The following PGM2L1 variants were observed in gnomAD, a reference collection of about 807,000 sequenced individuals.
The protein encoded by PGM2L1 is phosphoglucomutase 2 like 1.
Under a neutral mutation model 73.4 loss-of-function variants are expected in PGM2L1, and 35 were observed. That is an observed-to-expected ratio of 0.48 (90% CI 0.36 to 0.63). The LOEUF is 0.63. Ranked by LOEUF, PGM2L1 falls within the 30% of genes least tolerant of loss-of-function variation. PGM2L1 has a pLI of 0.00. For synonymous variants in PGM2L1, 225 were observed against 253.8 expected (o/e 0.89, Z 1.08); for missense variants, 570 against 742.0 (o/e 0.77, Z 2.69).
chr11:74,387,849 G>A (rs549766183), intron 1 of PGM2L1, among the ~76,000 whole-genome samples: 35 of 152,238 alleles, frequency 2.3e-4, no homozygotes, highest in African/African-American at 7.9e-4. Flanking sequence ...TACAGATAAA[G>A]CTGCAGACAT....
intron 6 of PGM2L1, among the ~76,000 whole-genome samples, chr11:74,348,210 G>A (rs774948331): frequency 2.2e-4 from 33 of 151,916 alleles, no homozygotes; most frequent in Non-Finnish European, 4.6e-4. Context: ...CTCTCTCGCC[G>A]GCATCATTTC....
chr11:74,383,700 C>T (rs959438097), intron 1 of PGM2L1, among the ~76,000 whole-genome samples: 5 of 151,474 alleles, frequency 3.3e-5, no homozygotes, highest in Admixed American at 1.3e-4. Context: ...ATGCGGTGTT[C>T]GGTTTTCTGT....
chr11:74,347,162 C>T lies in PGM2L1; in HGVS notation c.925G>A (p.Gly309Arg), dbSNP rs2134890909. 6.3e-7 allele frequency: 1 copy of T among 1,578,544 alleles called. No individual in the cohort carries two copies. The highest frequency in any genetic ancestry group is 8.6e-7 in the Non-Finnish European group (1 of 1,166,826). ...TAAAAAAATACCAGCACAGATTCTC[C>T]TTCTTCAGGATTTGGACATTTAACG... ...STVKCPNPEE[G>R]ESVLELSLRL... The change falls in exon 7 of 14, where the codon GGA (glycine) becomes AGA (arginine). Residue 309 changes from glycine (G) to arginine (R), a missense_variant. Coordinates refer to ENST00000298198, the MANE Select transcript of PGM2L1 (RefSeq NM_173582.6).
chr11:74,364,714 A>T (rs1370934749), intron 5 of PGM2L1, among the ~76,000 whole-genome samples: 1 of 152,222 alleles, frequency 6.6e-6, no homozygotes, highest in Non-Finnish European at 1.5e-5. Context: ...GAAATAAAAG[A>T]GGACACAAAC....
intron 1 of PGM2L1, among the ~76,000 whole-genome samples, chr11:74,384,465 G>C (rs985267338): frequency 6.6e-6 from 1 of 151,864 alleles, no homozygotes; most frequent in South Asian, 2.1e-4. Context: ...AGGAGCCCTT[G>C]CCGGTCAGTT....
At chr11:74,381,235 G>A (rs565142876) in intron 1 of PGM2L1, among the ~76,000 whole-genome samples, 1 of 152,264 alleles carries the variant, frequency 6.6e-6, no homozygotes, top group South Asian at 2.1e-4. Flanking sequence ...TGGGCACCAT[G>A]CCAGCCTCCC....
At chr11:74,388,895 A>G (rs1863052065) in intron 1 of PGM2L1, among the ~76,000 whole-genome samples, 1 of 152,240 alleles carries the variant, frequency 6.6e-6, no homozygotes, top group East Asian at 1.9e-4. Flanking sequence ...TGCAGACCAC[A>G]GTTGACTAAT....
At chr11:74,336,790 T>C (rs1362947561) in intron 13 of PGM2L1, 36 bp from the exon 14 acceptor site, 2 of 1,396,086 alleles carry the variant, frequency 1.4e-6, no homozygotes, top group Non-Finnish European at 2.0e-6. Flanking sequence ...AATTATTTAT[T>C]TTCATAGGCT....
chr11:74,334,807 G>C lies in PGM2L1; in HGVS notation c.*1845C>G, dbSNP rs115533846. ...AGCAATTTGTTTAGGTCTTGTTATTGTTATCTCCTAACTATACCCCATATG... is the reference window on the plus strand; with the variant it reads ...AGCAATTTGTTTAGGTCTTGTTATTCTTATCTCCTAACTATACCCCATATG... On this transcript the variant is annotated 3_prime_UTR_variant, in exon 14 of 14. Transcript: ENST00000298198. 1,101 of 151,732 alleles carry C rather than the reference G, an allele frequency of 7.3e-3. 13 individuals are homozygous for C. The highest frequency in any genetic ancestry group is 0.025 in the African/African-American group (1,034 of 41,360). 9.4% of individuals were successfully genotyped at this position (151,732 alleles called of 1,614,324 possible). A position where few individuals can be genotyped will look rare whatever the true frequency, so the allele number is the denominator to read the frequency against.
chr11:74,371,690 T>C (rs1469554036), intron 3 of PGM2L1, 21 bp downstream of exon 3: 2 of 1,589,538 alleles, frequency 1.3e-6, no homozygotes, highest in South Asian at 2.2e-5. Flanking sequence ...AACTTAATCT[T>C]TGAAACAATT....
At chr11:74,372,120 G>A (rs575556200) in intron 2 of PGM2L1, among the ~76,000 whole-genome samples, 1 of 113,026 alleles carries the variant, frequency 8.8e-6, no homozygotes, top group East Asian at 2.8e-4. Flanking sequence ...AAACATGAGC[G>A]TCAATAAGCT....
chr11:74,371,781 A>G lies in PGM2L1; in HGVS notation c.316T>C (p.Phe106Leu). 6.2e-7 allele frequency: 1 copy of G among 1,613,988 alleles called. No homozygotes were observed. The highest frequency in any genetic ancestry group is 2.2e-5 in the East Asian group (1 of 44,866). The change falls in exon 3 of 14, where the codon TTC becomes CTC. Residue 106 changes from phenylalanine (F) to leucine (L), a missense_variant. Phe to Leu is a conservative substitution (Grantham distance 22). Coordinates refer to ENST00000298198, the MANE Select transcript of PGM2L1 (RefSeq NM_173582.6). ...YKYLERCFSD[F>L]KQRGFVVGYD... is the part of the protein sequence containing the mutation. ...CCAACCACAAAGCCTCTCTGCTTGA[A>G]GTCTGAGAAACATCTCTCAAGGTAT...
chr11:74,377,566 T>C (rs1434904277), intron 1 of PGM2L1, among the ~76,000 whole-genome samples: 3 of 152,200 alleles, frequency 2.0e-5, no homozygotes, highest in Non-Finnish European at 1.5e-5. Flanking sequence ...TCTAGAAGTA[T>C]TCCATGCAAA....
At chr11:74,340,003 A>C (rs1862159823) in intron 12 of PGM2L1, among the ~76,000 whole-genome samples, 1 of 152,196 alleles carries the variant, frequency 6.6e-6, no homozygotes, top group Non-Finnish European at 1.5e-5. Context: ...ATTGCTATTT[A>C]CTTGTCAATT....
In PGM2L1 at chr11:74,371,002, T is replaced by G; in HGVS notation, c.387-16A>C. The G allele has an allele frequency of 5.0e-6, 8 of 1,603,384 alleles. No individual in the cohort carries two copies. The highest frequency in any genetic ancestry group is 6.8e-6 in the Non-Finnish European group (8 of 1,171,066). ...TTTAGCAAGCCTAAAAAAAGAGAGA[T>G]TTAACTTAGTCCTTTGCCTACCATA... On this transcript the variant is annotated splice_polypyrimidine_tract_variant and intron_variant, in intron 3 of 13. Transcript: ENST00000298198.
In PGM2L1 at chr11:74,368,543, T is replaced by G. The variant is rs760805743; in HGVS notation, c.504A>C (p.Ala168=). 2.5e-6 allele frequency: 4 copies of G among 1,613,880 alleles called. No individual in the cohort carries two copies. In the South Asian group the frequency reaches 4.4e-5, roughly 18 times the overall value. Residue 168 remains alanine (A), a synonymous_variant, in exon 5 of 14, where the codon GCA becomes GCC. Transcript: ENST00000298198. ...TGTGAGAGGCAGTAATCATCACACC[T>G]GCAACTGCTTTGAGCTTCTGAACTG... ...PYAVQKLKAV[A]GVMITASHNR... is the part of the protein sequence containing the mutation.
At chr11:74,396,542 A>G (rs1008612790) in intron 1 of PGM2L1, among the ~76,000 whole-genome samples, 4 of 152,108 alleles carry the variant, frequency 2.6e-5, no homozygotes, top group Non-Finnish European at 5.9e-5. Flanking sequence ...AGCCTCCCGA[A>G]TAGCTGGGGC....
intron 5 of PGM2L1, among the ~76,000 whole-genome samples, chr11:74,361,724 C>T (rs1862566538): frequency 6.6e-6 from 1 of 152,166 alleles, no homozygotes; most frequent in Non-Finnish European, 1.5e-5. Context: ...GAGCTGAAAA[C>T]CATGTCATGA....
chr11:74,386,630 C>T (rs1001591875), intron 1 of PGM2L1, among the ~76,000 whole-genome samples: 5 of 152,022 alleles, frequency 3.3e-5, no homozygotes, highest in Non-Finnish European at 7.4e-5. Flanking sequence ...CACATGCCAC[C>T]ATGCCCACCT....
Sources: allele counts gnomAD v4.1 joint callset (sites outside exome capture counted in the v4.1 genomes callset), GRCh38; gene constraint gnomAD v4.1.1; transcripts MANE v1.5; gene names NCBI Gene and HGNC (gene_info 2026-07-23, HGNC 2026-07-21).